ATP9A: variants seen among roughly 807,000 people sequenced by gnomAD.
ATP9A encodes probable phospholipid-transporting ATPase IIA.
A neutral mutation model predicts 144.1 loss-of-function variants in ATP9A; 52 were observed. The observed-to-expected ratio is 0.36, with a 90% CI of 0.29 to 0.45. ATP9A has a LOEUF of 0.45. Ranked by LOEUF, ATP9A falls within the 20% of genes least tolerant of loss-of-function variation. ATP9A has a pLI of 1.00. For missense variants in ATP9A, 947 were observed against 1,392.7 expected (o/e 0.68, Z 5.09); for synonymous variants, 582 against 557.4 (o/e 1.04, Z -0.62).
intron 6 of ATP9A, among the ~76,000 whole-genome samples, chr20:51,695,761 T>G (rs1005302270): frequency 1.3e-5 from 2 of 152,230 alleles, no homozygotes; most frequent in African/African-American, 4.8e-5. Flanking sequence ...TTCTGTTTAC[T>G]TCTACATGGT....
At chr20:51,617,936 T>C (rs2077209920) in intron 21 of ATP9A, among the ~76,000 whole-genome samples, 1 of 152,182 alleles carries the variant, frequency 6.6e-6, no homozygotes. Flanking sequence ...GGTGATCCTT[T>C]TTAGGCTGAG....
intron 5 of ATP9A, 78 bp downstream of exon 5, chr20:51,697,346 T>G (rs937097753): frequency 3.1e-5 from 43 of 1,398,268 alleles, no homozygotes; most frequent in South Asian, 2.2e-4. Context: ...CAACATTCAC[T>G]TCGTCTACCA....
intron 1 of ATP9A, among the ~76,000 whole-genome samples, chr20:51,751,824 G>A (rs1370855292): frequency 2.6e-5 from 4 of 152,048 alleles, no homozygotes; most frequent in Non-Finnish European, 4.4e-5. Flanking sequence ...TCCTGACCTC[G>A]TGATCCGCCC....
chr20:51,637,244 A>C lies in ATP9A; in HGVS notation c.1668+2099T>G, dbSNP rs534631057. On this transcript the variant is annotated intron_variant, in intron 15 of 27. Transcript: ENST00000338821. ...AGGAGAAGAGTGGTGCAAAGATAGG[A>C]GGGCGAGAAAAAGCTGTGAGTTGTT... 2.1e-5 allele frequency among the ~76,000 whole-genome samples: 3 copies of C among 144,132 alleles called. No homozygotes were observed. The South Asian group carries it at 7.1e-4, about 34-fold the overall frequency. The allele number at this position is 144,132 out of a possible 152,430, so 94.6% of individuals were successfully genotyped here.
In ATP9A at chr20:51,729,205, T is replaced by G. The variant is rs1311406658; in HGVS notation, c.213+629A>C. 2.0e-5 allele frequency among the ~76,000 whole-genome samples: 3 copies of G among 152,206 alleles called. No homozygotes were observed. In the East Asian group the frequency reaches 5.8e-4, roughly 29 times the overall value. ...ACTGCTGACATTCTTTTCTGCTGTT[T>G]TGGTCATAATGCTAGGTCCCCAGAA... On this transcript the variant is annotated intron_variant, in intron 2 of 27. Transcript: ENST00000338821.
At position 51,630,662 on chromosome 20, in the gene ATP9A, T is replaced by C. The variant is rs1218391408; in HGVS notation, c.1669-1590A>G. Reference sequence around the variant, plus strand: ...GTTGCAATGAGCTGAGATTGCACCATTGCTCTCCAACCTGGGCAACAAGAG... The same window carrying C: ...GTTGCAATGAGCTGAGATTGCACCACTGCTCTCCAACCTGGGCAACAAGAG... On this transcript the variant is annotated intron_variant, in intron 15 of 27. Coordinates refer to ENST00000338821, the MANE Select transcript of ATP9A (RefSeq NM_006045.3). Among the ~76,000 whole-genome samples the C allele has an allele frequency of 2.6e-5, 4 of 152,030 alleles. No individual in the cohort carries two copies. In the South Asian group the frequency reaches 6.3e-4, roughly 24 times the overall value.
chr20:51,627,548 T>C, intron 17 of ATP9A, 52 bp downstream of exon 17: 1 of 1,503,798 alleles, frequency 6.6e-7, no homozygotes, highest in Non-Finnish European at 9.3e-7. Context: ...AAGGAGTGAC[T>C]GGGAGGCAGG....
intron 3 of ATP9A, among the ~76,000 whole-genome samples, chr20:51,723,343 A>C (rs2122864942): frequency 6.6e-6 from 1 of 152,010 alleles, no homozygotes; most frequent in East Asian, 1.9e-4. Context: ...CTCACAAATC[A>C]CCACTAAAGA....
In ATP9A at chr20:51,611,930, G is replaced by A. The variant is rs537128246; in HGVS notation, c.2571+1747C>T. On this transcript the variant is annotated intron_variant, in intron 23 of 27. Transcript: ENST00000338821. This position sits in a 1 kb window ranked among gnomAD's most constrained non-coding sequence, Gnocchi z 4.2. ...AAAAACTGGGGTGTAGCCAGTGGAC[G>A]GAAAATTCTCATGTACCCAAAGCAG... 1.3e-3 allele frequency among the ~76,000 whole-genome samples: 194 copies of A among 152,314 alleles called. No homozygotes were observed. Among genetic ancestry groups the A allele is most frequent in the African/African-American group, 4.5e-3 (186 of 41,564 alleles).
chr20:51,661,508 G>C (rs992343765), intron 13 of ATP9A, among the ~76,000 whole-genome samples: 3 of 145,286 alleles, frequency 2.1e-5, no homozygotes, highest in Non-Finnish European at 4.5e-5. Flanking sequence ...GACCACAGGC[G>C]TGCACCACCA....
chr20:51,675,645 C>T (rs1201676928), intron 10 of ATP9A, among the ~76,000 whole-genome samples: 8 of 152,062 alleles, frequency 5.3e-5, no homozygotes, highest in African/African-American at 1.9e-4. Flanking sequence ...TTTGGGAGGC[C>T]GAGGAGGGAG....
intron 1 of ATP9A, among the ~76,000 whole-genome samples, chr20:51,736,631 A>G (rs1362359281): frequency 6.6e-6 from 1 of 151,996 alleles, no homozygotes; most frequent in Non-Finnish European, 1.5e-5. Context: ...CTGGGATTAC[A>G]GGCGGGAGCC....
intron 14 of ATP9A, among the ~76,000 whole-genome samples, chr20:51,652,940 C>G (rs1244939024): frequency 6.6e-6 from 1 of 152,002 alleles, no homozygotes; most frequent in Non-Finnish European, 1.5e-5. Flanking sequence ...AACCCCATCT[C>G]TACTAAAAAT....
intron 22 of ATP9A, among the ~76,000 whole-genome samples, chr20:51,614,150 C>G (rs1243195610): frequency 1.3e-5 from 2 of 152,122 alleles, no homozygotes; most frequent in Non-Finnish European, 2.9e-5. Context: ...ACATTCAGTT[C>G]CCTTAAGAGC....
intron 18 of ATP9A, among the ~76,000 whole-genome samples, chr20:51,623,202 T>C (rs888344991): frequency 2.6e-5 from 4 of 152,138 alleles, no homozygotes; most frequent in African/African-American, 9.7e-5. Flanking sequence ...AAAATAATAT[T>C]CTTTTTGGTG....
rs141750418 is a variant in ATP9A, at chr20:51,618,980, G to C, written c.2179C>G (p.Leu727Val). ...TCCAGGGAGTCTCCCGAGATGACCA[G>C]GGCACAATCATGCTTCCTGCGGAAG... ...NAFRRKHDCA[L>V]VISGDSLEVC... Residue 727 changes from leucine (L) to valine (V), a missense_variant, in exon 20 of 28, where the codon CTG (leucine) becomes GTG (valine). This residue lies in a region of ATP9A where 770 missense variants were observed against 1,047.9 expected (regional missense o/e 0.73). Transcript: ENST00000338821. 1 of 1,614,178 alleles carries C rather than the reference G, an allele frequency of 6.2e-7. No individual in the cohort carries two copies. The highest frequency in any genetic ancestry group is 2.2e-5 in the East Asian group (1 of 44,880).
chr20:51,685,031 A>T (rs1407598509), intron 9 of ATP9A, among the ~76,000 whole-genome samples: 83 of 152,022 alleles, frequency 5.5e-4, no homozygotes, highest in African/African-American at 1.9e-3. Context: ...AAAAAAAAAA[A>T]AAAAAAAAAT....
At chr20:51,674,336 G>A (rs747545717) in intron 10 of ATP9A, 23 bp from the exon 11 acceptor site, 18 of 1,610,644 alleles carry the variant, frequency 1.1e-5, no homozygotes, top group Non-Finnish European at 1.5e-5. Flanking sequence ...GCACAAACCA[G>A]GGCTTGAGAT....
chr20:51,730,954 G>A (rs2077738359), intron 1 of ATP9A, among the ~76,000 whole-genome samples: 1 of 152,122 alleles, frequency 6.6e-6, no homozygotes, highest in Admixed American at 6.6e-5. Context: ...AGATCATTTG[G>A]GGCCAGGAGA....
Sources: gnomAD v4.1 joint callset for allele counts (sites outside exome capture counted in the v4.1 genomes callset) on GRCh38, gnomAD v4.1.1 for gene constraint, gnomAD v4.1.1 regional missense constraint, Gnocchi (gnomAD v3.1) non-coding constraint, MANE v1.5 for transcripts, NCBI Gene and HGNC (gene_info 2026-07-23, HGNC 2026-07-21) for gene names.